Variants in PRDM16 observed in about 807,000 individuals in gnomAD.
PRDM16 encodes the protein histone-lysine N-methyltransferase PRDM16.
A neutral mutation model predicts 110.6 loss-of-function variants in PRDM16; 23 were observed. The ratio of observed to expected loss-of-function variants is 0.21; its 90% CI spans 0.15 to 0.29. The LOEUF is 0.29. Ranked by LOEUF, PRDM16 falls within the 10% of genes least tolerant of loss-of-function variation. The pLI is 1.00. For synonymous variants in PRDM16, 799 were observed against 781.8 expected, an observed-to-expected ratio of 1.02 and a Z score of -0.37; for missense variants, 1,615 against 1,794.3, an observed-to-expected ratio of 0.90 and a Z score of 1.81.
intron 4 of PRDM16, among the ~76,000 whole-genome samples, chr1:3,388,100 A>G (rs1229882105): frequency 1.3e-5 from 2 of 152,226 alleles, no homozygotes; most frequent in Non-Finnish European, 2.9e-5. Flanking sequence ...TAAAGCCAAG[A>G]ATTTTTTAAA....
chr1:3,378,495 G>A (rs1224739765), intron 3 of PRDM16, among the ~76,000 whole-genome samples: 1 of 152,164 alleles, frequency 6.6e-6, no homozygotes, highest in Non-Finnish European at 1.5e-5. Context: ...GGCAGCCATG[G>A]CACAGCTCTG....
In PRDM16 at chr1:3,069,468, G is replaced by A. The variant is rs1183877998; in HGVS notation, c.37+172G>A. Among the ~76,000 whole-genome samples the A allele has an allele frequency of 2.1e-5, 3 of 142,446 alleles. No homozygotes were observed. The highest frequency in any genetic ancestry group is 2.3e-4 in the South Asian group (1 of 4,256). The allele number at this position is 142,446 out of a possible 152,430, so 93.5% of individuals were successfully genotyped here. A position where few individuals can be genotyped will look rare whatever the true frequency, so the allele number is the denominator to read the frequency against. On this transcript the variant is annotated intron_variant, in intron 1 of 16. Coordinates refer to ENST00000270722, the MANE Select transcript of PRDM16 (RefSeq NM_022114.4). This position sits in a 1 kb window ranked among gnomAD's most constrained non-coding sequence, Gnocchi z 6.1. The stretch of plus-strand genomic sequence containing the variant: ...CCGCCTCCCGCGCTCCGGGGCGACC[G>A]GGCTCGGCGCGGAGGCTCGGGGCGC...
intron 3 of PRDM16, among the ~76,000 whole-genome samples, chr1:3,286,225 CA>C (rs1640840217): frequency 6.6e-6 from 1 of 152,196 alleles, no homozygotes; most frequent in Non-Finnish European, 1.5e-5. Context: ...CAAGTTGATA[CA>C]GACACCAGGA....
chr1:3,370,746 G>A lies in PRDM16; in HGVS notation c.439-14406G>A, dbSNP rs935699428. ...TTGTGTCTCACCATACGAAGTTGGG[G>A]AAGCCATAAGTGTCTGGGCAAGTTG... On this transcript the variant is annotated intron_variant, in intron 3 of 16. Transcript: ENST00000270722. This position sits in a 1 kb window ranked among gnomAD's most constrained non-coding sequence, Gnocchi z 4.8. Among the ~76,000 whole-genome samples the A allele has an allele frequency of 6.6e-5, 10 of 152,282 alleles. No homozygotes were observed. The highest frequency in any genetic ancestry group is 2.4e-4 in the African/African-American group (10 of 41,550).
At position 3,143,634 on chromosome 1, in the gene PRDM16, G is replaced by A. The variant is rs1361043860; in HGVS notation, c.38-42491G>A. 2.0e-5 allele frequency among the ~76,000 whole-genome samples: 3 copies of A among 152,154 alleles called. No homozygotes were observed. The highest frequency in any genetic ancestry group is 1.9e-4 in the East Asian group (1 of 5,178). On this transcript the variant is annotated intron_variant, in intron 1 of 16. Transcript: ENST00000270722. This position sits in a 1 kb window ranked among gnomAD's most constrained non-coding sequence, Gnocchi z 4.5. ...TGGGATTACAGGTGTGCACCACCAC[G>A]CCCGGCTAATTTTTGTATTTTTAGT...
chr1:3,315,182 ACCCT>A (rs1641572571), intron 3 of PRDM16, among the ~76,000 whole-genome samples: 1 of 43,910 alleles, frequency 2.3e-5, no homozygotes, highest in South Asian at 9.9e-4. Context: ...CTTCCCTCCC[ACCCT>A]CCCTCTCCCT....
intron 3 of PRDM16, among the ~76,000 whole-genome samples, chr1:3,268,922 C>T (rs771963824): frequency 3.3e-5 from 5 of 152,232 alleles, no homozygotes; most frequent in African/African-American, 4.8e-5. Context: ...ATTTTCATTT[C>T]GCTTTACCTG....
At chr1:3,181,756 G>A (rs201545745) in intron 1 of PRDM16, among the ~76,000 whole-genome samples, 631 of 62,302 alleles carry the variant, frequency 0.01, 6 homozygotes, top group African/African-American at 0.02. Flanking sequence ...TCTTACACAC[G>A]GTCTTACACA....
chr1:3,137,339 T>G (rs1643460715), intron 1 of PRDM16, among the ~76,000 whole-genome samples: 1 of 152,238 alleles, frequency 6.6e-6, no homozygotes, highest in Non-Finnish European at 1.5e-5. Flanking sequence ...AGCCTGTCAC[T>G]CGGAGCAAGG....
chr1:3,343,934 C>T (rs985956603), intron 3 of PRDM16, among the ~76,000 whole-genome samples: 1 of 152,220 alleles, frequency 6.6e-6, no homozygotes, highest in Non-Finnish European at 1.5e-5. Flanking sequence ...AGCCACCGCT[C>T]CCAGCCTGGT....
intron 4 of PRDM16, among the ~76,000 whole-genome samples, chr1:3,389,260 C>T (rs1000411147): frequency 7.2e-5 from 11 of 152,308 alleles, no homozygotes; most frequent in African/African-American, 2.4e-4. Flanking sequence ...CCTGCCGCCT[C>T]GCAGTGCCTC....
chr1:3,339,778 C>G lies in PRDM16; in HGVS notation c.439-45374C>G, dbSNP rs1337984908. ...TCCCCCCTCACCTGCCTCACCATTC[C>G]CTTCCCCAGCTGCTGGAATCCTCAG... On this transcript the variant is annotated intron_variant, in intron 3 of 16. Transcript: ENST00000270722. The surrounding 1 kb of genome is among the most constrained non-coding windows in gnomAD (Gnocchi z 5.0). Among the ~76,000 whole-genome samples the G allele has an allele frequency of 6.6e-6, 1 of 152,204 alleles. No homozygotes were observed. The highest frequency in any genetic ancestry group is 1.9e-4 in the East Asian group (1 of 5,180).
At chr1:3,184,447 G>A (rs752621255) in intron 1 of PRDM16, among the ~76,000 whole-genome samples, 42 of 152,284 alleles carry the variant, frequency 2.8e-4, no homozygotes, top group African/African-American at 5.3e-4. Flanking sequence ...TCACTTTCAC[G>A]GGTCCTCGAG....
At chr1:3,432,252 G>A (rs147832319) in intron 16 of PRDM16, 112 bp downstream of exon 16, 42 of 892,286 alleles carry the variant, frequency 4.7e-5, no homozygotes, top group African/African-American at 2.7e-4. Flanking sequence ...CTCTGGTCAC[G>A]CAAACGCCCC....
chr1:3,385,723 C>T (rs747290727), intron 4 of PRDM16, among the ~76,000 whole-genome samples: 14 of 152,228 alleles, frequency 9.2e-5, no homozygotes, highest in Non-Finnish European at 1.5e-4. Context: ...CCGCACCGGC[C>T]AATGAGGCAG....
chr1:3,273,976 TAAAAA>T (rs927412647), intron 3 of PRDM16, among the ~76,000 whole-genome samples: 65 of 68,540 alleles, frequency 9.5e-4, no homozygotes, highest in African/African-American at 2.8e-3. Flanking sequence ...TATGGGGAGG[TAAAAA>T]AAAAAAAAAA....
At chr1:3,087,153 C>A (rs1375623191) in intron 1 of PRDM16, among the ~76,000 whole-genome samples, 1 of 152,042 alleles carries the variant, frequency 6.6e-6, no homozygotes, top group African/African-American at 2.4e-5. Context: ...AAGAGGCAGC[C>A]TCACCACGTG....
In PRDM16 at chr1:3,412,165, G is replaced by T; in HGVS notation, c.1968G>T (p.Pro656=). The T allele has an allele frequency of 1.3e-6, 2 of 1,571,420 alleles. No homozygotes were observed. The highest frequency in any genetic ancestry group is 8.6e-7 in the Non-Finnish European group (1 of 1,157,580). ...QPKFGGGLAP[P]GAPNSVAEVP... is the part of the protein sequence containing the mutation. The stretch of plus-strand genomic sequence containing the variant: ...AGTTTGGGGGCGGCTTGGCGCCCCC[G>T]GGGGCCCCGAACAGCGTGGCCGAGG... The change falls in exon 9 of 17, where the codon CCG becomes CCT. Residue 656 remains proline, a synonymous_variant. Coordinates refer to ENST00000270722, the MANE Select transcript of PRDM16 (RefSeq NM_022114.4).
intron 3 of PRDM16, among the ~76,000 whole-genome samples, chr1:3,252,831 G>A (rs1639964788): frequency 6.6e-6 from 1 of 152,194 alleles, no homozygotes; most frequent in Non-Finnish European, 1.5e-5. Context: ...TACCACAGCA[G>A]GTTCCAGGTT....
Sources: gnomAD v4.1 joint callset for allele counts (sites outside exome capture counted in the v4.1 genomes callset) on GRCh38, gnomAD v4.1.1 for gene constraint, Gnocchi (gnomAD v3.1) non-coding constraint, MANE v1.5 for transcripts, NCBI Gene and HGNC (gene_info 2026-07-23, HGNC 2026-07-21) for gene names.